FLNB: variants seen among roughly 807,000 people sequenced by gnomAD.
FLNB encodes the protein filamin-B.
A neutral mutation model predicts 250.6 loss-of-function variants in FLNB; 111 were observed. The observed-to-expected ratio is 0.44, with a 90% CI of 0.38 to 0.52. FLNB has a LOEUF of 0.52. FLNB is among the 20% of genes least tolerant of loss of function. FLNB has a pLI of 0.00. For missense variants in FLNB, 2,869 were observed against 3,447.8 expected (o/e 0.83, Z 4.20); for synonymous variants, 1,302 against 1,372.1 (o/e 0.95, Z 1.13).
intron 1 of FLNB, among the ~76,000 whole-genome samples, chr3:58,043,348 T>A (rs939498027): frequency 2.0e-5 from 3 of 152,048 alleles, no homozygotes; most frequent in Non-Finnish European, 4.4e-5. Context: ...TTGACCAGGC[T>A]GGTAATTTGG....
Position 58,016,060 on chromosome 3 carries a change from G to GT in FLNB, c.292+7215dup, listed in dbSNP as rs374564897. On this transcript the variant is annotated intron_variant, in intron 1 of 45. Transcript: ENST00000295956. ...GTATGCTCCTTGAGTTTGTTTGTTT[G>GT]TTTTTTTTTTTGAGTTGGAGTTTCA... Among the ~76,000 whole-genome samples, 348 of 144,638 alleles carry GT rather than the reference G, an allele frequency of 2.4e-3. 2 individuals carry two copies. Among genetic ancestry groups the GT allele is most frequent in the Admixed American group, 0.015 (210 of 14,332 alleles). 94.9% of individuals were successfully genotyped at this position (144,638 alleles called of 152,430 possible).
At chr3:58,095,068 T>C (rs1298278802) in intron 5 of FLNB, 114 bp downstream of exon 5, 1 of 890,274 alleles carries the variant, frequency 1.1e-6, no homozygotes, top group East Asian at 2.4e-5. Context: ...CAAAAGTGTT[T>C]TTTACCAAAA....
At chr3:58,048,535 C>G (rs2097157615) in intron 1 of FLNB, among the ~76,000 whole-genome samples, 1 of 152,216 alleles carries the variant, frequency 6.6e-6, no homozygotes, top group Non-Finnish European at 1.5e-5. Flanking sequence ...CCTCACAGCA[C>G]AGGCTCACAA....
chr3:58,067,595 T>G (rs558333047), intron 1 of FLNB, among the ~76,000 whole-genome samples: 21 of 61,656 alleles, frequency 3.4e-4, no homozygotes, highest in Non-Finnish European at 5.4e-4. Flanking sequence ...GTTTTTTTGT[T>G]TTTTTTTTGT....
intron 29 of FLNB, 138 bp from the exon 30 acceptor site, chr3:58,141,720 A>C: frequency 1.2e-6 from 1 of 833,084 alleles, no homozygotes; most frequent in Non-Finnish European, 2.0e-6. Flanking sequence ...AAGGGCAGTA[A>C]GAAAGTGTCC....
intron 1 of FLNB, among the ~76,000 whole-genome samples, chr3:58,030,130 G>A (rs992950050): frequency 6.6e-6 from 1 of 152,180 alleles, no homozygotes; most frequent in African/African-American, 2.4e-5. Flanking sequence ...ACATGCTAAT[G>A]GCACCAGGAC....
intron 27 of FLNB, among the ~76,000 whole-genome samples, 179 bp downstream of exon 27, chr3:58,134,951 G>A (rs908078174): frequency 1.3e-5 from 2 of 152,190 alleles, no homozygotes; most frequent in African/African-American, 4.8e-5. Context: ...AGAGATTTGA[G>A]GGTGTAGCTC....
rs750101142 is a variant in FLNB, at chr3:58,123,310, A to G, written c.3344A>G (p.Glu1115Gly). ...GEYFVNILFEEVHIPGSPFKA... is the reference protein window; with the variant it reads ...GEYFVNILFEGVHIPGSPFKA... The stretch of plus-strand genomic sequence containing the variant: ...TACTTCGTCAACATCCTCTTTGAAG[A>G]AGTCCACATACCTGGGTCTCCCTTC... The change falls in exon 21 of 46, where the codon GAA (glutamate) becomes GGA (glycine). Residue 1115 changes from glutamate to glycine, a missense_variant. Transcript: ENST00000295956. The G allele has an allele frequency of 1.2e-6, 2 of 1,614,164 alleles. No homozygotes were observed. Among genetic ancestry groups the G allele is most frequent in the Admixed American group, 1.7e-5 (1 of 60,026 alleles).
intron 38 of FLNB, among the ~76,000 whole-genome samples, chr3:58,152,094 G>T (rs1221232394): frequency 2.6e-5 from 4 of 152,354 alleles, no homozygotes; most frequent in Non-Finnish European, 4.4e-5. Flanking sequence ...TATCTGCAGT[G>T]TGGACGTTTA....
chr3:58,168,982 A>G (rs886663678), intron 44 of FLNB: 7 of 355,934 alleles, frequency 2.0e-5, no homozygotes, highest in African/African-American at 1.5e-4. Flanking sequence ...CACTTGAAAA[A>G]TAATCAAAAA....
chr3:58,077,135 T>C lies in FLNB; in HGVS notation c.382T>C (p.Trp128Arg), dbSNP rs1018112474. 11 of 1,613,974 alleles carry C rather than the reference T, an allele frequency of 6.8e-6. No homozygotes were observed. In the Admixed American group the frequency reaches 1.8e-4, roughly 27 times the overall value. Residue 128 changes from tryptophan (W) to arginine (R), a missense_variant, in exon 2 of 46, where the codon TGG becomes CGG. Trp to Arg is a moderately radical substitution (Grantham distance 101, BLOSUM62 -3). Transcript: ENST00000295956. ...ILHYSISMPV[W>R]EDEGDDDAKK... Reference sequence around the variant, plus strand: ...CCACTACTCCATCTCCATGCCCGTGTGGGAGGATGAAGGGGATGATGATGC... The same window carrying C: ...CCACTACTCCATCTCCATGCCCGTGCGGGAGGATGAAGGGGATGATGATGC...
intron 1 of FLNB, among the ~76,000 whole-genome samples, chr3:58,031,385 G>A (rs555908762): frequency 2.0e-5 from 3 of 151,760 alleles, no homozygotes; most frequent in South Asian, 4.2e-4. Flanking sequence ...TGGGACTACA[G>A]GCGCCCGCCA....
intron 24 of FLNB, among the ~76,000 whole-genome samples, chr3:58,130,490 T>G (rs930497486): frequency 1.3e-5 from 2 of 152,166 alleles, no homozygotes; most frequent in Non-Finnish European, 2.9e-5. Context: ...TCTCCTGCAG[T>G]TGTGGGTTCC....
chr3:58,114,147 G>A (rs1247908746), intron 18 of FLNB, among the ~76,000 whole-genome samples: 2 of 151,940 alleles, frequency 1.3e-5, no homozygotes, highest in Non-Finnish European at 2.9e-5. Context: ...GACTCGCTCT[G>A]TTCCTCAAGC....
chr3:58,170,314 TCC>T (rs2097380031), intron 45 of FLNB, among the ~76,000 whole-genome samples: 1 of 152,160 alleles, frequency 6.6e-6, no homozygotes, highest in African/African-American at 2.4e-5. Flanking sequence ...CTGTTCTCAT[TCC>T]CTGTTTACAG....
intron 1 of FLNB, among the ~76,000 whole-genome samples, chr3:58,033,141 AT>A (rs1401275861): frequency 2.2e-4 from 33 of 152,294 alleles, no homozygotes; most frequent in African/African-American, 7.9e-4. Flanking sequence ...TGAAGAACAC[AT>A]TTTGATTAGC....
At chr3:58,126,793 A>G (rs773895997) in intron 24 of FLNB, 31 bp downstream of exon 24, 1 of 1,605,292 alleles carries the variant, frequency 6.2e-7, no homozygotes, top group Admixed American at 1.7e-5. Context: ...GACCCCAGAG[A>G]ATAATTGATT....
Position 58,114,590 on chromosome 3 carries a change from A to AT in FLNB, c.2745+2278dup, listed in dbSNP as rs999275898. On this transcript the variant is annotated intron_variant, in intron 18 of 45. Transcript: ENST00000295956. The stretch of plus-strand genomic sequence containing the variant: ...TGGATCATATGGAAATCTCTTTTTA[A>AT]TTTTTTGAGAAACTACTATACTGTA... Among the ~76,000 whole-genome samples, 89 of 152,106 alleles carry AT rather than the reference A, an allele frequency of 5.9e-4. 2 individuals carry two copies. Among genetic ancestry groups the AT allele is most frequent in the Non-Finnish European group, 2.6e-4 (18 of 68,024 alleles).
Position 58,168,464 on chromosome 3 carries a change from A to C in FLNB, c.7223A>C (p.Asn2408Thr), listed in dbSNP as rs773657087. The C allele has an allele frequency of 3.1e-6, 5 of 1,614,114 alleles. No homozygotes were observed. Among genetic ancestry groups the C allele is most frequent in the Middle Eastern group, 3.3e-4 (2 of 6,062 alleles). The change falls in exon 44 of 46, where the codon AAC (asparagine) becomes ACC (threonine). Residue 2408 changes from asparagine to threonine, a missense_variant. Transcript: ENST00000295956. ...GGTATCCAGTCGGAATTCTTTATTAACACCACCCGAGCAGGTCCAGGGACA... is the reference window on the plus strand; with the variant it reads ...GGTATCCAGTCGGAATTCTTTATTACCACCACCCGAGCAGGTCCAGGGACA... ...TTGIQSEFFI[N>T]TTRAGPGTLS...
Sources: gnomAD v4.1 joint callset for allele counts (sites outside exome capture counted in the v4.1 genomes callset) on GRCh38, gnomAD v4.1.1 for gene constraint, MANE v1.5 for transcripts, NCBI Gene and HGNC (gene_info 2026-07-23, HGNC 2026-07-21) for gene names.